Variants in MYO1H observed in about 807,000 individuals in gnomAD.
The protein encoded by MYO1H is unconventional myosin-Ih.
Under a neutral mutation model 149.3 loss-of-function variants are expected in MYO1H, and 118 were observed. That is an observed-to-expected ratio of 0.79 (90% CI 0.68 to 0.92). The LOEUF (loss-of-function observed/expected upper bound fraction) is 0.92, where lower values mean the gene tolerates loss of function less well. Ranked by LOEUF, MYO1H falls within the 40% of genes least tolerant of loss-of-function variation. The probability of loss-of-function intolerance (pLI) is 0.00; values close to 1 mark genes in which losing one functional copy is unlikely to be tolerated. For synonymous variants in MYO1H, 447 were observed against 465.2 expected, an observed-to-expected ratio of 0.96 and a Z score of 0.50; for missense variants, 1,212 against 1,280.7, an observed-to-expected ratio of 0.95 and a Z score of 0.82.
intron 19 of MYO1H, among the ~76,000 whole-genome samples, chr12:109,432,003 T>C (rs1470141762): frequency 7.2e-6 from 1 of 137,958 alleles, no homozygotes; most frequent in Admixed American, 7.2e-5. Context: ...TTTTTTTTTT[T>C]TTTTTTTTTT....
the MYO1H span, among the ~76,000 whole-genome samples, chr12:109,333,293 C>T: frequency 1.3e-5 from 2 of 152,070 alleles, no homozygotes; most frequent in Non-Finnish European, 2.9e-5. Context: ...GCACTCTAGC[C>T]TTGGAGACAG....
rs181565718 is a variant in MYO1H, at chr12:109,412,885, A to T, written c.1502+900A>T. Reference sequence around the variant, plus strand: ...ACTACAACCTCCGCCTCCTGGGTTTAAACGATTCTCCTGCCTCAGCCTCCC... The same window carrying T: ...ACTACAACCTCCGCCTCCTGGGTTTTAACGATTCTCCTGCCTCAGCCTCCC... On this transcript the variant is annotated intron_variant, in intron 14 of 31. Transcript: ENST00000310903. Among the ~76,000 whole-genome samples the T allele has an allele frequency of 7.3e-3, 1,119 of 152,284 alleles. 6 individuals are homozygous for T. The highest frequency in any genetic ancestry group is 0.012 in the Admixed American group (188 of 15,290).
upstream of MYO1H, among the ~76,000 whole-genome samples, chr12:109,346,061 C>T (rs1235726569): frequency 6.6e-6 from 1 of 152,098 alleles, no homozygotes; most frequent in Non-Finnish European, 1.5e-5. Context: ...ATAGTCCCTC[C>T]ATATTTATGG....
At chr12:109,370,139 T>G (rs751627225) in intron 1 of MYO1H, among the ~76,000 whole-genome samples, 1 of 152,056 alleles carries the variant, frequency 6.6e-6, no homozygotes, top group Non-Finnish European at 1.5e-5. Context: ...GAGATTTGGG[T>G]GGGGACACAG....
At chr12:109,409,983 A>G (rs766504817) in exon 12 of MYO1H, 2 of 1,536,152 alleles carry the variant, frequency 1.3e-6, no homozygotes, top group Middle Eastern at 1.7e-4. Context: ...TTCTGTATAA[A>G]TTACTGCAAT....
intron 6 of MYO1H, chr12:109,401,485 G>T (rs1870156461): frequency 4.1e-6 from 2 of 493,508 alleles, no homozygotes; most frequent in South Asian, 7.7e-5. Flanking sequence ...CAATGTCTAG[G>T]TAAGTGGTTC....
chr12:109,356,975 G>A (rs1031801727), intron 1 of MYO1H, among the ~76,000 whole-genome samples: 2 of 152,170 alleles, frequency 1.3e-5, no homozygotes, highest in African/African-American at 2.4e-5. Flanking sequence ...GCATCAGACC[G>A]TGCTTCTTTC....
At chr12:109,327,299 T>A in the MYO1H span, among the ~76,000 whole-genome samples, 1 of 150,922 alleles carries the variant, frequency 6.6e-6, no homozygotes, top group African/African-American at 2.4e-5. Context: ...GCCTGGCTAA[T>A]TTTTTTTGTA....
At chr12:109,316,892 A>G in the MYO1H span, among the ~76,000 whole-genome samples, 1 of 152,028 alleles carries the variant, frequency 6.6e-6, no homozygotes. Flanking sequence ...ATATATAGAA[A>G]TGTTCTTTCA....
At chr12:109,400,699 A>G (rs1037764989) in intron 5 of MYO1H, among the ~76,000 whole-genome samples, 1 of 152,244 alleles carries the variant, frequency 6.6e-6, no homozygotes, top group African/African-American at 2.4e-5. Flanking sequence ...CAGCTGATTT[A>G]CAACGAAACC....
intron 31 of MYO1H, 36 bp from the exon 32 acceptor site, chr12:109,447,123 G>C: frequency 1.3e-6 from 2 of 1,584,410 alleles, no homozygotes; most frequent in Admixed American, 1.8e-5. Context: ...AAGGGAGCGG[G>C]GAAGGGCTGT....
intron 1 of MYO1H, among the ~76,000 whole-genome samples, chr12:109,371,130 C>T (rs1868973163): frequency 1.3e-5 from 2 of 151,976 alleles, no homozygotes; most frequent in South Asian, 4.2e-4. Context: ...GTTTTCAATT[C>T]CTTGGGCATG....
At chr12:109,440,391 C>T (rs1300151348) in intron 24 of MYO1H, among the ~76,000 whole-genome samples, 5 of 152,122 alleles carry the variant, frequency 3.3e-5, no homozygotes, top group Non-Finnish European at 7.4e-5. Flanking sequence ...AGAATAGCAT[C>T]CCTCAAGAGA....
chr12:109,402,997 CTAT>C (rs1191275023), intron 6 of MYO1H, among the ~76,000 whole-genome samples: 2 of 152,140 alleles, frequency 1.3e-5, no homozygotes, highest in African/African-American at 4.8e-5. Flanking sequence ...CAATTTGCCA[CTAT>C]TATTTTAAAA....
chr12:109,417,119 T>C (rs1430499918), intron 15 of MYO1H, among the ~76,000 whole-genome samples: 1 of 152,036 alleles, frequency 6.6e-6, no homozygotes, highest in Non-Finnish European at 1.5e-5. Flanking sequence ...TGCAGTGAGC[T>C]GAGATTGTGC....
At chr12:109,436,238 G>A (rs554566941) in intron 21 of MYO1H, among the ~76,000 whole-genome samples, 1 of 152,218 alleles carries the variant, frequency 6.6e-6, no homozygotes, top group South Asian at 2.1e-4. Flanking sequence ...TGTAGCACTA[G>A]GTCTGTTCCT....
chr12:109,358,030 CT>C (rs1868648050), intron 1 of MYO1H, among the ~76,000 whole-genome samples: 1 of 151,806 alleles, frequency 6.6e-6, no homozygotes, highest in African/African-American at 2.4e-5. Flanking sequence ...ACTGTTCTTG[CT>C]TTTTGAATTT....
At chr12:109,357,571 C>T (rs1040712879) in intron 1 of MYO1H, among the ~76,000 whole-genome samples, 1 of 152,084 alleles carries the variant, frequency 6.6e-6, no homozygotes, top group Admixed American at 6.5e-5. Context: ...TGTCTGTGTT[C>T]CAATAAAACT....
chr12:109,421,954 C>G (rs1174044044), intron 16 of MYO1H, among the ~76,000 whole-genome samples: 1 of 151,976 alleles, frequency 6.6e-6, no homozygotes. Context: ...GTCTGAGTAG[C>G]TAGGACTTCA....
Sources: allele counts gnomAD v4.1 joint callset (sites outside exome capture counted in the v4.1 genomes callset), GRCh38; gene constraint gnomAD v4.1.1; transcripts MANE v1.5; gene names NCBI Gene and HGNC (gene_info 2026-07-23, HGNC 2026-07-21).